CHRM3: variants seen among roughly 807,000 people sequenced by gnomAD.
CHRM3 encodes the protein cholinergic receptor muscarinic 3.
Under a neutral mutation model 41.8 loss-of-function variants are expected in CHRM3, and 11 were observed. That is an observed-to-expected ratio of 0.26 (90% CI 0.17 to 0.44). CHRM3 has a LOEUF of 0.44. CHRM3 is among the 20% of genes least tolerant of loss of function. The pLI, the probability that CHRM3 is intolerant of heterozygous loss-of-function variation, is 1.00. For missense variants in CHRM3, 571 were observed against 745.4 expected, an observed-to-expected ratio of 0.77 and a Z score of 2.72; for synonymous variants, 297 against 301.4, an observed-to-expected ratio of 0.99 and a Z score of 0.15.
chr1:239,566,581 A>C (rs2148515121), intron 3 of CHRM3, among the ~76,000 whole-genome samples: 1 of 152,272 alleles, frequency 6.6e-6, no homozygotes, highest in African/African-American at 2.4e-5. Flanking sequence ...TTTCCTTTCA[A>C]GAATCATTGA....
intron 5 of CHRM3, among the ~76,000 whole-genome samples, chr1:239,697,392 C>T (rs988997529): frequency 6.6e-6 from 1 of 152,174 alleles, no homozygotes; most frequent in African/African-American, 2.4e-5. Context: ...TCCCCAACTA[C>T]GTGGAAGTCC....
chr1:239,461,497 T>G (rs1039183481), intron 1 of CHRM3, among the ~76,000 whole-genome samples: 1 of 152,176 alleles, frequency 6.6e-6, no homozygotes, highest in African/African-American at 2.4e-5. Context: ...TTCTTTCTAC[T>G]TTCCTTTATG....
At chr1:239,520,257 A>C (rs1428850350) in intron 2 of CHRM3, among the ~76,000 whole-genome samples, 1 of 152,200 alleles carries the variant, frequency 6.6e-6, no homozygotes, top group African/African-American at 2.4e-5. Flanking sequence ...CCAGTATTTA[A>C]CAGTGATATA....
At chr1:239,753,928 A>T (rs1248537502) in intron 5 of CHRM3, among the ~76,000 whole-genome samples, 1 of 152,214 alleles carries the variant, frequency 6.6e-6, no homozygotes, top group Non-Finnish European at 1.5e-5. Flanking sequence ...ATCGTCAATC[A>T]TGTGTGACAG....
At chr1:239,642,934 T>C (rs1236684576) in intron 4 of CHRM3, among the ~76,000 whole-genome samples, 1 of 152,218 alleles carries the variant, frequency 6.6e-6, no homozygotes, top group Non-Finnish European at 1.5e-5. Context: ...GATGTACAGA[T>C]GGGTTTTTGG....
intron 3 of CHRM3, among the ~76,000 whole-genome samples, chr1:239,617,272 T>C (rs1233669380): frequency 6.6e-6 from 1 of 152,198 alleles, no homozygotes; most frequent in Non-Finnish European, 1.5e-5. Flanking sequence ...TTCTCGAATA[T>C]TGTGGAGCCC....
intron 3 of CHRM3, among the ~76,000 whole-genome samples, chr1:239,602,239 C>T (rs1234224803): frequency 1.3e-5 from 2 of 151,342 alleles, no homozygotes; most frequent in Non-Finnish European, 2.9e-5. Context: ...GGTTCACGCC[C>T]GTCTTCCGCC....
At chr1:239,699,427 A>G (rs1292389525) in intron 5 of CHRM3, among the ~76,000 whole-genome samples, 1 of 152,140 alleles carries the variant, frequency 6.6e-6, no homozygotes, top group Non-Finnish European at 1.5e-5. Flanking sequence ...ACACTTGCAC[A>G]AAGAAGAGGT....
At chr1:239,842,384 G>A (rs1231234283) in intron 6 of CHRM3, among the ~76,000 whole-genome samples, 1 of 151,908 alleles carries the variant, frequency 6.6e-6, no homozygotes, top group Non-Finnish European at 1.5e-5. Flanking sequence ...ATAGGTGCCC[G>A]CCATCATGCC....
At chr1:239,525,179 A>G (rs1425857279) in intron 2 of CHRM3, among the ~76,000 whole-genome samples, 1 of 152,102 alleles carries the variant, frequency 6.6e-6, no homozygotes, top group Non-Finnish European at 1.5e-5. Flanking sequence ...CCTGGGCAAC[A>G]TAGGGAAAAC....
intron 1 of CHRM3, among the ~76,000 whole-genome samples, chr1:239,448,901 A>T (rs1392275752): frequency 2.6e-5 from 4 of 152,180 alleles, no homozygotes; most frequent in Non-Finnish European, 5.9e-5. Context: ...CAACATTAGG[A>T]TTTGAGGACT....
rs186914743 is a variant in CHRM3, at chr1:239,866,064, G to A, written c.-20+38686G>A. Among the ~76,000 whole-genome samples, 7 of 152,174 alleles carry A rather than the reference G, an allele frequency of 4.6e-5. No individual in the cohort carries two copies. In the East Asian group the frequency reaches 1.4e-3, roughly 30 times the overall value. On this transcript the variant is annotated intron_variant, in intron 6 of 6. Transcript: ENST00000676153. Reference sequence around the variant, plus strand: ...GTCCCTATTTTACGGATGGGAAAACGCGAGGCTTGGAGTGATTAAAAAGCT... The same window carrying A: ...GTCCCTATTTTACGGATGGGAAAACACGAGGCTTGGAGTGATTAAAAAGCT...
At chr1:239,688,151 T>A (rs916263467) in intron 5 of CHRM3, among the ~76,000 whole-genome samples, 48 of 151,082 alleles carry the variant, frequency 3.2e-4, no homozygotes, top group Non-Finnish European at 6.3e-4. Context: ...CTGATCTATT[T>A]GCAGAAGGAA....
chr1:239,765,612 C>T (rs1404775249), intron 5 of CHRM3, among the ~76,000 whole-genome samples: 1 of 152,034 alleles, frequency 6.6e-6, no homozygotes, highest in Admixed American at 6.6e-5. Flanking sequence ...TACTTATTTC[C>T]TTACACACAA....
At chr1:239,747,491 G>T (rs1448127466) in intron 5 of CHRM3, among the ~76,000 whole-genome samples, 1 of 152,118 alleles carries the variant, frequency 6.6e-6, no homozygotes, top group Non-Finnish European at 1.5e-5. Context: ...TTGTAATTAG[G>T]AATCTGGGAA....
rs74520002 is a variant in CHRM3 at position 239,557,533 on chromosome 1, A to C, written c.-313+11784A>C. 2.7e-3 allele frequency among the ~76,000 whole-genome samples: 404 copies of C among 152,266 alleles called. 2 individuals carry two copies. Among genetic ancestry groups the C allele is most frequent in the African/African-American group, 9.0e-3 (372 of 41,538 alleles). On this transcript the variant is annotated intron_variant, in intron 3 of 6. Coordinates refer to ENST00000676153, the MANE Select transcript of CHRM3 (RefSeq NM_001375978.1). Reference sequence around the variant, plus strand: ...TGCAGGATGTGCAGGTTTGTGTTACATGGGTAAATGCGTGGCATGGTGCTT... The same window carrying C: ...TGCAGGATGTGCAGGTTTGTGTTACCTGGGTAAATGCGTGGCATGGTGCTT...
At chr1:239,811,271 A>G (rs1572370023) in intron 5 of CHRM3, among the ~76,000 whole-genome samples, 1 of 152,202 alleles carries the variant, frequency 6.6e-6, no homozygotes, top group East Asian at 1.9e-4. Flanking sequence ...ATGATGTGGC[A>G]GCACAATTGG....
intron 1 of CHRM3, among the ~76,000 whole-genome samples, chr1:239,469,817 A>G (rs1369258935): frequency 6.6e-6 from 1 of 152,110 alleles, no homozygotes; most frequent in African/African-American, 2.4e-5. Context: ...TTGGCCTCTC[A>G]AAGTGCTGGG....
At chr1:239,552,208 C>T (rs958890628) in intron 3 of CHRM3, among the ~76,000 whole-genome samples, 5 of 144,076 alleles carry the variant, frequency 3.5e-5, no homozygotes, top group East Asian at 2.0e-4. Flanking sequence ...TGATATGTAT[C>T]GTATATTATA....
Sources: gnomAD v4.1 joint callset for allele counts (sites outside exome capture counted in the v4.1 genomes callset) on GRCh38, gnomAD v4.1.1 for gene constraint, MANE v1.5 for transcripts, NCBI Gene and HGNC (gene_info 2026-07-23, HGNC 2026-07-21) for gene names.